SMG6: variants seen among roughly 807,000 people sequenced by gnomAD.
SMG6 encodes telomerase-binding protein EST1A.
A neutral mutation model predicts 142.2 loss-of-function variants in SMG6; 66 were observed. The observed-to-expected ratio is 0.46, with a 90% confidence interval of 0.38 to 0.57. SMG6 has a LOEUF of 0.57. Among genes scored for constraint, SMG6 ranks in the 20% least tolerant of loss-of-function variants. SMG6 has a pLI of 0.00. For missense variants in SMG6, 1,793 were observed against 1,832.0 expected, an observed-to-expected ratio of 0.98 and a Z score of 0.39; for synonymous variants, 779 against 702.4, an observed-to-expected ratio of 1.11 and a Z score of -1.72.
chr17:2,215,231 G>T (rs749026374), intron 10 of SMG6, among the ~76,000 whole-genome samples: 2 of 151,570 alleles, frequency 1.3e-5, no homozygotes, highest in South Asian at 4.2e-4. Context: ...ACACGCGCGC[G>T]CACACACACA....
At chr17:2,066,703 T>C (rs1208554458) in intron 16 of SMG6, among the ~76,000 whole-genome samples, 1 of 78,864 alleles carries the variant, frequency 1.3e-5, no homozygotes, top group Admixed American at 1.4e-4. Flanking sequence ...ACAATGCCCA[T>C]GCTTTCGGCA....
intron 13 of SMG6, among the ~76,000 whole-genome samples, chr17:2,119,121 G>A (rs529922993): frequency 5.4e-4 from 81 of 150,552 alleles, no homozygotes; most frequent in African/African-American, 1.8e-3. Flanking sequence ...GCAGTGGCAC[G>A]ATCTTGGCTT....
At chr17:2,104,591 G>A (rs1431537717) in intron 13 of SMG6, among the ~76,000 whole-genome samples, 1 of 151,786 alleles carries the variant, frequency 6.6e-6, no homozygotes, top group East Asian at 1.9e-4. Flanking sequence ...GAGCAAGTTA[G>A]CATCTTACTT....
At chr17:2,126,176 G>C (rs2069870925) in intron 13 of SMG6, among the ~76,000 whole-genome samples, 1 of 152,100 alleles carries the variant, frequency 6.6e-6, no homozygotes, top group East Asian at 1.9e-4. Flanking sequence ...AGGGTGTCAA[G>C]ACCAATTCCA....
Position 2,297,283 on chromosome 17 carries a change from A to C in SMG6, c.2111T>G (p.Met704Arg), listed in dbSNP as rs888536677. The change falls in exon 4 of 19, where the codon ATG becomes AGG. Residue 704 changes from methionine to arginine, a missense_variant. Around this residue, in one of 3 missense-constraint regions of SMG6, gnomAD observed 1,597 missense variants for 1,584.6 expected, o/e 1.01. Coordinates refer to ENST00000263073, the MANE Select transcript of SMG6 (RefSeq NM_017575.5). Reference sequence around the variant, plus strand: ...CTTGCTGCGAATGGCAAGACCATCCATGTAGTCTTCCAGTTTGAACTTGTA... The same window carrying C: ...CTTGCTGCGAATGGCAAGACCATCCCTGTAGTCTTCCAGTTTGAACTTGTA... ...VTYKFKLEDY[M>R]DGLAIRSKPL... The C allele has an allele frequency of 1.2e-6, 2 of 1,613,434 alleles. No homozygotes were observed. The highest frequency in any genetic ancestry group is 1.3e-5 in the African/African-American group (1 of 74,900).
chr17:2,094,442 T>C (rs1179210791), intron 13 of SMG6, among the ~76,000 whole-genome samples: 1 of 152,110 alleles, frequency 6.6e-6, no homozygotes, highest in African/African-American at 2.4e-5. Flanking sequence ...TTTCACCATA[T>C]TGGCCAGGCT....
intron 18 of SMG6, chr17:2,061,851 G>A: frequency 1.9e-6 from 1 of 516,318 alleles, no homozygotes; most frequent in East Asian, 3.6e-5. Flanking sequence ...CTCCCATACA[G>A]GACTCTCTTC....
chr17:2,161,577 T>C (rs752797157), intron 13 of SMG6, among the ~76,000 whole-genome samples: 1 of 152,080 alleles, frequency 6.6e-6, no homozygotes. Context: ...GTCCAGGACA[T>C]TGTCCTGATC....
intron 13 of SMG6, among the ~76,000 whole-genome samples, chr17:2,160,673 T>A (rs2071148623): frequency 6.6e-6 from 1 of 151,910 alleles, no homozygotes; most frequent in Non-Finnish European, 1.5e-5. Context: ...CCACAAAAAA[T>A]TTAAAAATTA....
At chr17:2,115,729 C>A (rs575063332) in intron 13 of SMG6, among the ~76,000 whole-genome samples, 1 of 151,822 alleles carries the variant, frequency 6.6e-6, no homozygotes, top group African/African-American at 2.4e-5. Flanking sequence ...CTCTTTTTTG[C>A]GGGGGAGGTG....
intron 13 of SMG6, among the ~76,000 whole-genome samples, chr17:2,131,798 C>T (rs1365930683): frequency 6.6e-6 from 1 of 152,164 alleles, no homozygotes; most frequent in Non-Finnish European, 1.5e-5. Context: ...CGGTGGCACA[C>T]GCCTGTAATT....
At chr17:2,272,530 G>C (rs951575082) in intron 8 of SMG6, among the ~76,000 whole-genome samples, 1 of 152,174 alleles carries the variant, frequency 6.6e-6, no homozygotes, top group African/African-American at 2.4e-5. Flanking sequence ...TGCTTTCACA[G>C]TCATTCCTAG....
chr17:2,247,372 G>A (rs1444116874), intron 8 of SMG6, among the ~76,000 whole-genome samples: 1 of 151,966 alleles, frequency 6.6e-6, no homozygotes, highest in Non-Finnish European at 1.5e-5. Flanking sequence ...ATTTTAACTT[G>A]GTTATCCCTC....
At chr17:2,089,332 C>G (rs745973128) in intron 13 of SMG6, among the ~76,000 whole-genome samples, 2 of 152,024 alleles carry the variant, frequency 1.3e-5, no homozygotes, top group African/African-American at 4.8e-5. Context: ...GGGATAGAGG[C>G]GACTAAAAGG....
intron 13 of SMG6, among the ~76,000 whole-genome samples, chr17:2,119,685 G>A (rs140568335): frequency 2.8e-4 from 42 of 151,600 alleles, no homozygotes; most frequent in African/African-American, 9.2e-4. Context: ...TTTTTGAGAC[G>A]GAGTCTTGCT....
At chr17:2,303,573 G>A (rs559312361) in intron 1 of SMG6, 60 bp downstream of exon 1, 12 of 1,371,208 alleles carry the variant, frequency 8.8e-6, no homozygotes, top group East Asian at 3.1e-5. Context: ...GGAGGCAGAG[G>A]AGGAGGAGAG....
chr17:2,103,506 C>A (rs190836304), intron 13 of SMG6, among the ~76,000 whole-genome samples: 1 of 152,124 alleles, frequency 6.6e-6, no homozygotes, highest in African/African-American at 2.4e-5. Context: ...AGCTACAGAG[C>A]GGAAAATTTC....
chr17:2,297,563 A>AACAC lies in SMG6; in HGVS notation c.2041-214_2041-211dup, dbSNP rs113462824. On this transcript the variant is annotated intron_variant, in intron 3 of 18. Coordinates refer to ENST00000263073, the MANE Select transcript of SMG6 (RefSeq NM_017575.5). ...ATGGTTTTAAAGATATGAACACATG[A>AACAC]ACACACACACACACACACACACACG... Among the ~76,000 whole-genome samples, 153 of 150,720 alleles carry AACAC rather than the reference A, an allele frequency of 1.0e-3. 2 individuals carry two copies. The highest frequency in any genetic ancestry group is 2.0e-3 in the African/African-American group (80 of 40,950).
chr17:2,118,096 A>G (rs1295655037), intron 13 of SMG6, among the ~76,000 whole-genome samples: 1 of 152,114 alleles, frequency 6.6e-6, no homozygotes, highest in Non-Finnish European at 1.5e-5. Context: ...TTAAAAAATT[A>G]GCCAGGTGTG....
Sources: gnomAD v4.1 joint callset for allele counts (sites outside exome capture counted in the v4.1 genomes callset) on GRCh38, gnomAD v4.1.1 for gene constraint, gnomAD v4.1.1 regional missense constraint, MANE v1.5 for transcripts, NCBI Gene and HGNC (gene_info 2026-07-23, HGNC 2026-07-21) for gene names.